Variants in CD247 observed in about 807,000 individuals in gnomAD.
CD247 encodes the protein CD247 molecule.
Under a neutral mutation model 30.0 loss-of-function variants are expected in CD247, and 13 were observed. The ratio of observed to expected loss-of-function variants is 0.43; its 90% CI spans 0.28 to 0.69. CD247 has a LOEUF of 0.69. CD247 is among the 30% of genes least tolerant of loss of function. The probability of loss-of-function intolerance (pLI) is 0.16; values close to 1 mark genes in which losing one functional copy is unlikely to be tolerated. For synonymous variants in CD247, 72 were observed against 80.0 expected (o/e 0.90, Z 0.53); for missense variants, 193 against 212.6 (o/e 0.91, Z 0.57).
At chr1:167,451,988 G>A (rs1652369692) in intron 1 of CD247, among the ~76,000 whole-genome samples, 1 of 152,108 alleles carries the variant, frequency 6.6e-6, no homozygotes, top group Non-Finnish European at 1.5e-5. Flanking sequence ...TTTGGGAGGT[G>A]GAGGCGGGTG....
At position 167,439,835 on chromosome 1, in the gene CD247, G is replaced by A. The variant is rs915205181; in HGVS notation, c.163-435C>T. On this transcript the variant is annotated intron_variant, in intron 2 of 7. Coordinates refer to ENST00000362089, the MANE Select transcript of CD247 (RefSeq NM_198053.3). ...TGACCCCCGGAGCAGTGTACTGTAC[G>A]TGCATCACTCGCCCAGCCCTCAGCC... 2.1e-4 allele frequency: 40 copies of A among 192,274 alleles called. 1 individual carries two copies. Among genetic ancestry groups the A allele is most frequent in the Admixed American group, 1.4e-3 (27 of 18,626 alleles). The allele number at this position is 192,274 out of a possible 1,614,324, so 11.9% of individuals were successfully genotyped here.
chr1:167,449,435 T>C (rs1652255116), intron 1 of CD247, among the ~76,000 whole-genome samples: 1 of 151,984 alleles, frequency 6.6e-6, no homozygotes, highest in African/African-American at 2.4e-5. Flanking sequence ...ATTACAGGTG[T>C]GAGCCACCGA....
At chr1:167,482,925 G>C (rs1654031267) in intron 1 of CD247, among the ~76,000 whole-genome samples, 1 of 152,124 alleles carries the variant, frequency 6.6e-6, no homozygotes, top group African/African-American at 2.4e-5. Flanking sequence ...TCATGGTTTT[G>C]GCCCTCTCTG....
chr1:167,477,032 C>T (rs1201020365), intron 1 of CD247, among the ~76,000 whole-genome samples: 1 of 152,130 alleles, frequency 6.6e-6, no homozygotes, highest in Non-Finnish European at 1.5e-5. Context: ...GCTATTGGCC[C>T]CACTGTTGTA....
At chr1:167,508,855 A>C (rs1014768228) in intron 1 of CD247, among the ~76,000 whole-genome samples, 2 of 152,180 alleles carry the variant, frequency 1.3e-5, no homozygotes, top group African/African-American at 2.4e-5. Context: ...TTTTGCAAAA[A>C]TTGAGAACAT....
intron 3 of CD247, 103 bp from the exon 4 acceptor site, chr1:167,438,753 A>T (rs889188210): frequency 1.1e-6 from 1 of 895,500 alleles, no homozygotes; most frequent in Non-Finnish European, 1.9e-6. Flanking sequence ...GTGGCTCATA[A>T]AAAGAGGGGC....
intron 1 of CD247, among the ~76,000 whole-genome samples, chr1:167,513,713 C>T (rs1220897727): frequency 6.6e-6 from 1 of 152,160 alleles, no homozygotes; most frequent in African/African-American, 2.4e-5. Flanking sequence ...CCGCTTTCCT[C>T]CGGTGTTAAA....
intron 1 of CD247, among the ~76,000 whole-genome samples, chr1:167,486,344 G>C (rs1018133964): frequency 6.6e-6 from 1 of 152,224 alleles, no homozygotes; most frequent in Non-Finnish European, 1.5e-5. Context: ...AGTGCTGCGG[G>C]ACATGAGCAG....
chr1:167,436,301 A>C (rs1264892661), intron 4 of CD247, among the ~76,000 whole-genome samples: 1 of 152,232 alleles, frequency 6.6e-6, no homozygotes, highest in Non-Finnish European at 1.5e-5. Context: ...TTAGGTATAG[A>C]AGGAATGTGC....
At chr1:167,482,969 T>C (rs1293134541) in intron 1 of CD247, among the ~76,000 whole-genome samples, 1 of 151,970 alleles carries the variant, frequency 6.6e-6, no homozygotes, top group Non-Finnish European at 1.5e-5. Flanking sequence ...CCACACAAAC[T>C]GGGCTGCAAA....
chr1:167,510,597 A>C (rs1483295264), intron 1 of CD247, among the ~76,000 whole-genome samples: 1 of 151,996 alleles, frequency 6.6e-6, no homozygotes, highest in Admixed American at 6.6e-5. Context: ...TTCCCCTATC[A>C]TACTTCTCTC....
chr1:167,494,123 G>A lies in CD247; in HGVS notation c.58+24285C>T, dbSNP rs1050022468. Among the ~76,000 whole-genome samples, 1 of 151,998 alleles carries A rather than the reference G, an allele frequency of 6.6e-6. No individual in the cohort carries two copies. The highest frequency in any genetic ancestry group is 2.4e-5 in the African/African-American group (1 of 41,352). On this transcript the variant is annotated intron_variant, in intron 1 of 7. Coordinates refer to ENST00000362089, the MANE Select transcript of CD247 (RefSeq NM_198053.3). This position sits in a 1 kb window ranked among gnomAD's most constrained non-coding sequence, Gnocchi z 7.3. Reference sequence around the variant, plus strand: ...GGTACCCAGAGCTAATAGGAGAAGAGGACAAGCAGGGGGACAGAACTGAGT... The same window carrying A: ...GGTACCCAGAGCTAATAGGAGAAGAAGACAAGCAGGGGGACAGAACTGAGT...
At chr1:167,452,922 C>T (rs1259935292) in intron 1 of CD247, among the ~76,000 whole-genome samples, 1 of 151,538 alleles carries the variant, frequency 6.6e-6, no homozygotes, top group Non-Finnish European at 1.5e-5. Flanking sequence ...TGTGTATATA[C>T]ACACACATAA....
Position 167,448,417 on chromosome 1 carries a change from C to T in CD247, c.59-7650G>A, listed in dbSNP as rs1050379481. On this transcript the variant is annotated intron_variant, in intron 1 of 7. Transcript: ENST00000362089. ...GCTGTGGAGTCCCTTCTCCCAGGAT[C>T]GAACCATTATAGCAGGTCATATTCT... 1.6e-5 allele frequency: 16 copies of T among 985,266 alleles called. No individual in the cohort carries two copies. The Admixed American group carries it at 1.8e-4, about 11-fold the overall frequency. The allele number at this position is 985,266 out of a possible 1,614,324, so 61.0% of individuals were successfully genotyped here.
rs1408666572 is a variant in CD247, at chr1:167,431,763, T to G, written c.430-17A>C. ...ACTGAGACCCTGGCGTGAAAGCAAA[T>G]CAGAAAACAAAGAGTGGGTCAGTAG... On this transcript the variant is annotated splice_polypyrimidine_tract_variant and intron_variant, in intron 7 of 7. Coordinates refer to ENST00000362089, the MANE Select transcript of CD247 (RefSeq NM_198053.3). 1 of 1,612,814 alleles carries G rather than the reference T, an allele frequency of 6.2e-7. No individual in the cohort carries two copies. The highest frequency in any genetic ancestry group is 8.5e-7 in the Non-Finnish European group (1 of 1,179,210).
chr1:167,493,037 CTTTT>C (rs60850667), intron 1 of CD247, among the ~76,000 whole-genome samples: 1 of 80,366 alleles, frequency 1.2e-5, no homozygotes, highest in African/African-American at 5.2e-5. Flanking sequence ...AATTTTTCTC[CTTTT>C]TTTTTTTTTT....
chr1:167,471,809 T>C (rs1653536227), intron 1 of CD247, among the ~76,000 whole-genome samples: 1 of 151,324 alleles, frequency 6.6e-6, no homozygotes, highest in African/African-American at 2.4e-5. Context: ...GTGATTTCTT[T>C]TTTTTTTCTT....
At chr1:167,469,450 G>A (rs1166735561) in intron 1 of CD247, among the ~76,000 whole-genome samples, 2 of 152,164 alleles carry the variant, frequency 1.3e-5, no homozygotes, top group Non-Finnish European at 2.9e-5. Context: ...GTCTTTCCCT[G>A]TCCTCTGGCA....
chr1:167,437,069 G>A (rs554131925), intron 4 of CD247, among the ~76,000 whole-genome samples: 14 of 152,098 alleles, frequency 9.2e-5, no homozygotes, highest in African/African-American at 1.7e-4. Context: ...ACGGCTGGGC[G>A]CGGGGGCTTA....
Sources: allele counts gnomAD v4.1 joint callset (sites outside exome capture counted in the v4.1 genomes callset), GRCh38; gene constraint gnomAD v4.1.1; non-coding constraint Gnocchi (gnomAD v3.1); transcripts MANE v1.5; gene names NCBI Gene and HGNC (gene_info 2026-07-23, HGNC 2026-07-21).